Variants in TUBGCP2 observed in about 807,000 individuals in gnomAD.
TUBGCP2 encodes gamma-tubulin complex component 2.
TUBGCP2 carries 55 observed loss-of-function variants against 92.2 expected under a neutral mutation model. The observed-to-expected ratio is 0.60, with a 90% CI of 0.48 to 0.75. The LOEUF (loss-of-function observed/expected upper bound fraction) is 0.75, where lower values mean the gene tolerates loss of function less well. Ranked by LOEUF, TUBGCP2 falls within the 30% of genes least tolerant of loss-of-function variation. The probability of loss-of-function intolerance (pLI) is 0.00; values close to 1 mark genes in which losing one functional copy is unlikely to be tolerated. For missense variants in TUBGCP2, 1,093 were observed against 1,188.9 expected (o/e 0.92, Z 1.19); for synonymous variants, 533 against 505.2 (o/e 1.06, Z -0.74).
chr10:133,287,878 C>G (rs1359849003), intron 11 of TUBGCP2, among the ~76,000 whole-genome samples: 1 of 152,252 alleles, frequency 6.6e-6, no homozygotes, highest in East Asian at 1.9e-4. Flanking sequence ...TTCCACAAGG[C>G]CAGCATGACC....
chr10:133,281,587 T>TA (rs1167775131), intron 16 of TUBGCP2, 151 bp from the exon 17 acceptor site: 25 of 1,060,556 alleles, frequency 2.4e-5, no homozygotes, highest in Admixed American at 2.9e-5. Context: ...AGATTCAAGG[T>TA]AAAAAAGACA....
chr10:133,293,705 G>T lies in TUBGCP2; in HGVS notation c.681C>A (p.Gly227=). ...GAGCACTGACGTACCTCCCGTCCAC[G>T]CCCACCAGCACGTACAGCAGGTCCT... ...VVEDLLYVLV[G]VDGRYVSAQP... The change falls in exon 6 of 18, where the codon GGC becomes GGA. Residue 227 remains glycine (G), a synonymous_variant. Transcript: ENST00000252936. 1 of 1,605,322 alleles carries T rather than the reference G, an allele frequency of 6.2e-7. No individual in the cohort carries two copies. The highest frequency in any genetic ancestry group is 8.5e-7 in the Non-Finnish European group (1 of 1,176,820).
At chr10:133,289,518 C>T (rs567553724) in intron 9 of TUBGCP2, among the ~76,000 whole-genome samples, 164 of 152,230 alleles carry the variant, frequency 1.1e-3, no homozygotes, top group African/African-American at 2.1e-3. Context: ...GACATGCTAG[C>T]GGAGTTTTAG....
At position 133,292,612 on chromosome 10, in the gene TUBGCP2, T is replaced by C. The variant is rs1009930866; in HGVS notation, c.1101A>G (p.Thr367=). The C allele has an allele frequency of 4.3e-6, 7 of 1,613,856 alleles. No individual in the cohort carries two copies. Among genetic ancestry groups the C allele is most frequent in the Non-Finnish European group, 5.1e-6 (6 of 1,179,838 alleles). ...SLLHDRSFSY[T]GDSQAQELCL... The stretch of plus-strand genomic sequence containing the variant: ...ATAGCTCCTGCGCCTGGCTGTCCCC[T>C]GTGTAGCTGAAGCTCCTGTCGTGGA... The change falls in exon 8 of 18, where the codon ACA becomes ACG. Residue 367 remains threonine, a synonymous_variant. Coordinates refer to ENST00000252936, the MANE Select transcript of TUBGCP2 (RefSeq NM_006659.4).
In TUBGCP2 at chr10:133,299,349, G is replaced by A. The variant is rs529077298; in HGVS notation, c.456+78C>T. 5 of 1,290,084 alleles carry A rather than the reference G, an allele frequency of 3.9e-6. No homozygotes were observed. In the South Asian group the frequency reaches 4.5e-5, roughly 12 times the overall value. The allele number at this position is 1,290,084 out of a possible 1,614,324, so 79.9% of individuals were successfully genotyped here. A position where few individuals can be genotyped will look rare whatever the true frequency, so the allele number is the denominator to read the frequency against. ...TCCAGCAGGGGCCCGGCACAGCACT[G>A]AGTGTGGGTGCCTGTGGACGCCACG... On this transcript the variant is annotated intron_variant, in intron 4 of 17. Transcript: ENST00000252936.
chr10:133,297,987 C>T lies in TUBGCP2; in HGVS notation c.581G>A (p.Gly194Asp). The part of the protein sequence containing the change: ...RPALIGDFLI[G>D]AGISTDTALP... ...AGCGGTGTCTGTGCTGATGCCAGCA[C>T]CAATCAGGAAATCCCCGATCAGGGC... Residue 194 changes from glycine to aspartate, a missense_variant, in exon 5 of 18, where the codon GGT becomes GAT. Gly to Asp is a moderately conservative substitution (Grantham distance 94). Around this residue, in one of 3 missense-constraint regions of TUBGCP2, gnomAD observed 490 missense variants for 488.5 expected, o/e 1.00. Coordinates refer to ENST00000252936, the MANE Select transcript of TUBGCP2 (RefSeq NM_006659.4). 6.2e-7 allele frequency: 1 copy of T among 1,613,890 alleles called. No homozygotes were observed. The highest frequency in any genetic ancestry group is 8.5e-7 in the Non-Finnish European group (1 of 1,179,908).
chr10:133,282,478 G>A, intron 15 of TUBGCP2, 136 bp from the exon 16 acceptor site: 1 of 1,232,866 alleles, frequency 8.1e-7, no homozygotes, highest in Non-Finnish European at 1.1e-6. Context: ...AAGCATCTCT[G>A]AGGCTGCAGG....
At chr10:133,294,840 C>A (rs1464782980) in intron 5 of TUBGCP2, among the ~76,000 whole-genome samples, 1 of 152,072 alleles carries the variant, frequency 6.6e-6, no homozygotes. Flanking sequence ...GGCAGATCTA[C>A]ACTTTTCAAC....
intron 2 of TUBGCP2, chr10:133,301,874 C>T (rs1049392758): frequency 6.6e-6 from 1 of 151,918 alleles, no homozygotes; most frequent in Admixed American, 6.6e-5. Context: ...GCCACCACAC[C>T]CAGCTAATTT....
At chr10:133,281,745 C>T (rs1210718375) in intron 16 of TUBGCP2, among the ~76,000 whole-genome samples, 3 of 152,362 alleles carry the variant, frequency 2.0e-5, no homozygotes, top group Admixed American at 6.5e-5. Flanking sequence ...GTGTCCCTCA[C>T]CTCCGGCCCC....
chr10:133,309,470 G>T, upstream of TUBGCP2: 2 of 1,611,320 alleles, frequency 1.2e-6, no homozygotes, highest in South Asian at 1.1e-5. Flanking sequence ...CCAGGTAAGC[G>T]AATGGGCAGT....
At chr10:133,306,575 C>A (rs2136144178) in intron 1 of TUBGCP2, among the ~76,000 whole-genome samples, 1 of 152,258 alleles carries the variant, frequency 6.6e-6, no homozygotes, top group East Asian at 1.9e-4. Flanking sequence ...ATCATGAGGT[C>A]AGGAGATCGA....
At chr10:133,305,546 A>G (rs1291904671) in intron 1 of TUBGCP2, among the ~76,000 whole-genome samples, 1 of 151,734 alleles carries the variant, frequency 6.6e-6, no homozygotes, top group Non-Finnish European at 1.5e-5. Flanking sequence ...ACAATCTCTC[A>G]TCTCCGCACA....
At chr10:133,286,462 G>A (rs926969849) in intron 11 of TUBGCP2, among the ~76,000 whole-genome samples, 4 of 152,162 alleles carry the variant, frequency 2.6e-5, no homozygotes, top group African/African-American at 9.7e-5. Context: ...AGGGAGACTC[G>A]GTGCCCTACT....
chr10:133,289,354 G>T (rs1213741145), intron 9 of TUBGCP2, among the ~76,000 whole-genome samples: 1 of 152,206 alleles, frequency 6.6e-6, no homozygotes, highest in South Asian at 2.1e-4. Flanking sequence ...AGAACCGGAT[G>T]GCTAATCGCT....
upstream of TUBGCP2, chr10:133,309,550 T>C: frequency 1.4e-6 from 2 of 1,467,112 alleles, no homozygotes; most frequent in Non-Finnish European, 1.9e-6. Flanking sequence ...GCTGCCGCTC[T>C]TCCATGTGCG....
At chr10:133,311,488 A>T, upstream of TUBGCP2, 1 of 483,478 alleles carries the variant, frequency 2.1e-6, no homozygotes, top group Non-Finnish European at 3.6e-6. Context: ...TGATTGTTAC[A>T]GTTAAGTTTA....
upstream of TUBGCP2, chr10:133,309,654 G>T (rs1164972926): frequency 7.6e-6 from 10 of 1,319,964 alleles, no homozygotes; most frequent in Non-Finnish European, 9.6e-6. Flanking sequence ...ATAAAAAGAG[G>T]GTTTGGGATT....
intron 17 of TUBGCP2, among the ~76,000 whole-genome samples, chr10:133,280,477 G>C (rs1846938726): frequency 6.6e-6 from 1 of 152,198 alleles, no homozygotes; most frequent in Non-Finnish European, 1.5e-5. Flanking sequence ...CAGGCTGGCA[G>C]TTTGGCCACC....
Sources: gnomAD v4.1 joint callset for allele counts (sites outside exome capture counted in the v4.1 genomes callset) on GRCh38, gnomAD v4.1.1 for gene constraint, gnomAD v4.1.1 regional missense constraint, MANE v1.5 for transcripts, NCBI Gene and HGNC (gene_info 2026-07-23, HGNC 2026-07-21) for gene names.